Variants in MBOAT2 observed in about 807,000 individuals in gnomAD.
MBOAT2 encodes the protein membrane-bound glycerophospholipid O-acyltransferase 2.
MBOAT2 carries 28 observed loss-of-function variants against 63.4 expected under a neutral mutation model. The ratio of observed to expected loss-of-function variants is 0.44; its 90% CI spans 0.33 to 0.61. The LOEUF (loss-of-function observed/expected upper bound fraction) is 0.61, where lower values mean the gene tolerates loss of function less well. MBOAT2 is among the 20% of genes least tolerant of loss of function. The pLI, the probability that MBOAT2 is intolerant of heterozygous loss-of-function variation, is 0.03. For missense variants in MBOAT2, 470 were observed against 605.8 expected (o/e 0.78, Z 2.35); for synonymous variants, 211 against 215.6 (o/e 0.98, Z 0.19).
intron 1 of MBOAT2, among the ~76,000 whole-genome samples, chr2:8,981,119 C>T (rs545437980): frequency 1.3e-5 from 2 of 152,234 alleles, no homozygotes; most frequent in South Asian, 4.1e-4. Flanking sequence ...TCCACTTACA[C>T]GAAACAGGCA....
At chr2:8,884,195 CAAAAAAAAAA>C (rs1169179642) in intron 5 of MBOAT2, among the ~76,000 whole-genome samples, 3 of 22,100 alleles carry the variant, frequency 1.4e-4, no homozygotes, top group South Asian at 1.4e-3. Flanking sequence ...AAGACTCAGC[CAAAAAAAAAA>C]AAAAAAAAAA....
chr2:8,876,550 G>C (rs951663485), intron 7 of MBOAT2, among the ~76,000 whole-genome samples: 1 of 152,192 alleles, frequency 6.6e-6, no homozygotes, highest in Non-Finnish European at 1.5e-5. Context: ...GGTGGTATTT[G>C]AAGTAGGCTT....
chr2:8,860,207 T>C (rs1661398769), intron 12 of MBOAT2, among the ~76,000 whole-genome samples: 1 of 151,984 alleles, frequency 6.6e-6, no homozygotes. Flanking sequence ...AAAAAGATAA[T>C]TAATAATTCT....
At chr2:8,861,445 G>T (rs1022878400) in intron 11 of MBOAT2, among the ~76,000 whole-genome samples, 1 of 152,110 alleles carries the variant, frequency 6.6e-6, no homozygotes, top group African/African-American at 2.4e-5. Flanking sequence ...GTTTTTAAGC[G>T]CAAGAATGGA....
At chr2:8,876,992 C>T (rs1272678262) in intron 7 of MBOAT2, 38 bp downstream of exon 7, 1 of 1,538,494 alleles carries the variant, frequency 6.5e-7, no homozygotes, top group Admixed American at 2.0e-5. Context: ...CTAACCAATA[C>T]ATGCTGTAAA....
chr2:8,932,119 T>A (rs1402877884), intron 3 of MBOAT2, among the ~76,000 whole-genome samples: 1 of 152,020 alleles, frequency 6.6e-6, no homozygotes, highest in African/African-American at 2.4e-5. Context: ...TAAGGACTAT[T>A]TAATAAGCTA....
At chr2:8,893,586 G>C (rs1664181124) in intron 4 of MBOAT2, among the ~76,000 whole-genome samples, 1 of 152,228 alleles carries the variant, frequency 6.6e-6, no homozygotes. Flanking sequence ...TGCCAGAACT[G>C]CTAAGAAGCC....
chr2:8,965,279 C>T (rs1669904786), intron 1 of MBOAT2, among the ~76,000 whole-genome samples: 1 of 152,158 alleles, frequency 6.6e-6, no homozygotes, highest in South Asian at 2.1e-4. Context: ...AAACCAAATA[C>T]CTTAGCGCTC....
intron 2 of MBOAT2, among the ~76,000 whole-genome samples, chr2:8,946,502 C>T (rs983187865): frequency 4.6e-5 from 7 of 152,162 alleles, no homozygotes; most frequent in East Asian, 1.9e-4. Flanking sequence ...TTTGCCTTAC[C>T]GTGCTTTGCA....
chr2:8,976,200 G>C (rs536355539), intron 1 of MBOAT2, among the ~76,000 whole-genome samples: 29 of 151,992 alleles, frequency 1.9e-4, no homozygotes, highest in Non-Finnish European at 4.0e-4. Flanking sequence ...CAAATGCATG[G>C]AAACAGAAGC....
intron 1 of MBOAT2, among the ~76,000 whole-genome samples, chr2:8,980,795 C>T (rs1671146676): frequency 6.6e-6 from 1 of 152,102 alleles, no homozygotes. Context: ...CTTTGGAAAA[C>T]AGTTCCTCAA....
chr2:8,983,480 A>G (rs1671343537), intron 1 of MBOAT2, among the ~76,000 whole-genome samples: 1 of 152,222 alleles, frequency 6.6e-6, no homozygotes, highest in Non-Finnish European at 1.5e-5. Context: ...TTAAAAAAGA[A>G]TTAATACCAG....
chr2:8,882,872 G>A (rs576923841), intron 5 of MBOAT2, among the ~76,000 whole-genome samples: 4 of 152,106 alleles, frequency 2.6e-5, no homozygotes, highest in South Asian at 4.1e-4. Context: ...ATGACTTTTC[G>A]AAAAGGGGCA....
chr2:8,886,536 A>G (rs560582737), intron 5 of MBOAT2, among the ~76,000 whole-genome samples: 3 of 152,336 alleles, frequency 2.0e-5, no homozygotes, highest in Admixed American at 6.5e-5. Flanking sequence ...GCAGGCCTGC[A>G]GCAAACTGTC....
chr2:8,891,199 G>T (rs950253906), intron 4 of MBOAT2, among the ~76,000 whole-genome samples: 1 of 152,190 alleles, frequency 6.6e-6, no homozygotes, highest in Non-Finnish European at 1.5e-5. Flanking sequence ...CCCATCAGCC[G>T]GTGCGTAGCA....
intron 12 of MBOAT2, among the ~76,000 whole-genome samples, chr2:8,859,526 T>A (rs886882737): frequency 2.0e-5 from 3 of 152,172 alleles, no homozygotes; most frequent in Non-Finnish European, 2.9e-5. Context: ...GGATAGAAAA[T>A]CTAACCCACA....
chr2:8,917,105 C>A (rs969461144), intron 3 of MBOAT2, among the ~76,000 whole-genome samples: 3 of 152,164 alleles, frequency 2.0e-5, no homozygotes, highest in Non-Finnish European at 4.4e-5. Flanking sequence ...ACCCTTGTCT[C>A]TTAACATACA....
intron 1 of MBOAT2, among the ~76,000 whole-genome samples, chr2:8,995,923 G>A (rs1672268790): frequency 6.6e-6 from 1 of 152,232 alleles, no homozygotes; most frequent in South Asian, 2.1e-4. Context: ...TTAATAATAT[G>A]AACAGCCTAA....
Position 8,862,648 on chromosome 2 carries a change from T to C in MBOAT2, c.1127A>G (p.Tyr376Cys). 1 of 1,614,162 alleles carries C rather than the reference T, an allele frequency of 6.2e-7. No individual in the cohort carries two copies. Among genetic ancestry groups the C allele is most frequent in the Non-Finnish European group, 8.5e-7 (1 of 1,180,008 alleles). ...TAGAAACGTTAGATAATATCCTGGGTATACCCCGTGCCAAATGGCAGAGAG... is the reference window on the plus strand; with the variant it reads ...TAGAAACGTTAGATAATATCCTGGGCATACCCCGTGCCAAATGGCAGAGAG... ...FILSAIWHGV[Y>C]PGYYLTFLTG... The change falls in exon 11 of 13, where the codon TAC becomes TGC. Residue 376 changes from tyrosine to cysteine, a missense_variant. Physicochemically the swap from Tyr to Cys is radical, Grantham distance 194. Transcript: ENST00000305997. This position sits in a 1 kb window ranked among gnomAD's most constrained non-coding sequence, Gnocchi z 4.3.
Sources: gnomAD v4.1 joint callset for allele counts (sites outside exome capture counted in the v4.1 genomes callset) on GRCh38, gnomAD v4.1.1 for gene constraint, Gnocchi (gnomAD v3.1) non-coding constraint, MANE v1.5 for transcripts, NCBI Gene and HGNC (gene_info 2026-07-23, HGNC 2026-07-21) for gene names.